CAPZB: variants seen among roughly 807,000 people sequenced by gnomAD.
The protein encoded by CAPZB is F-actin-capping protein subunit beta.
Under a neutral mutation model 38.1 loss-of-function variants are expected in CAPZB, and 2 were observed. That is an observed-to-expected ratio of 0.05 (90% CI 0.02 to 0.17). The LOEUF (loss-of-function observed/expected upper bound fraction) is 0.17, where lower values mean the gene tolerates loss of function less well. Ranked by LOEUF, CAPZB falls within the 10% of genes least tolerant of loss-of-function variation. CAPZB has a pLI of 1.00. For synonymous variants in CAPZB, 107 were observed against 127.4 expected, an observed-to-expected ratio of 0.84 and a Z score of 1.08; for missense variants, 161 against 334.2, an observed-to-expected ratio of 0.48 and a Z score of 4.04.
chr1:19,485,117 C>G (rs1285322958), intron 1 of CAPZB, among the ~76,000 whole-genome samples: 1 of 152,130 alleles, frequency 6.6e-6, no homozygotes, highest in Non-Finnish European at 1.5e-5. Flanking sequence ...GAGGGGGTGC[C>G]TGGCTGGGGA....
chr1:19,358,346 CA>C (rs2094032951), intron 4 of CAPZB, among the ~76,000 whole-genome samples: 1 of 152,198 alleles, frequency 6.6e-6, no homozygotes, highest in East Asian at 1.9e-4. Context: ...CCATGTTGGC[CA>C]GGCTGGTCTC....
chr1:19,454,860 T>TTCCGTTCA (rs2094528047), intron 1 of CAPZB, among the ~76,000 whole-genome samples: 1 of 152,188 alleles, frequency 6.6e-6, no homozygotes, highest in African/African-American at 2.4e-5. Context: ...CTAAATGATG[T>TTCCGTTCA]TTAAAATGCC....
chr1:19,378,319 C>G (rs1195559530), intron 4 of CAPZB, among the ~76,000 whole-genome samples: 1 of 152,166 alleles, frequency 6.6e-6, no homozygotes, highest in Non-Finnish European at 1.5e-5. Flanking sequence ...CATCTCATAA[C>G]CAACCCAACC....
chr1:19,361,231 ATC>A (rs1435556407), intron 4 of CAPZB, among the ~76,000 whole-genome samples: 1 of 152,352 alleles, frequency 6.6e-6, no homozygotes, highest in Non-Finnish European at 1.5e-5. Context: ...GGCGTGGTCA[ATC>A]TCTCACTTCG....
At position 19,382,550 on chromosome 1, in the gene CAPZB, C is replaced by T. The variant is rs182448067; in HGVS notation, c.215+2955G>A. 3.2e-3 allele frequency among the ~76,000 whole-genome samples: 491 copies of T among 152,218 alleles called. 2 individuals carry two copies. Among genetic ancestry groups the T allele is most frequent in the African/African-American group, 0.011 (446 of 41,546 alleles). On this transcript the variant is annotated intron_variant, in intron 3 of 8. Transcript: ENST00000264202. ...ATCAGAAGACCTTGAAGTTTCATAT[C>T]GAGAAGAGGAGAAAGAAAGACATAC... is the stretch of plus-strand genomic sequence containing the variant.
intron 6 of CAPZB, among the ~76,000 whole-genome samples, chr1:19,350,557 A>G (rs1488999245): frequency 6.6e-6 from 1 of 152,258 alleles, no homozygotes; most frequent in Non-Finnish European, 1.5e-5. Context: ...TTTTGAATCT[A>G]GAATTGTACA....
chr1:19,355,187 T>C (rs2094013727), intron 6 of CAPZB, among the ~76,000 whole-genome samples: 1 of 152,156 alleles, frequency 6.6e-6, no homozygotes, highest in African/African-American at 2.4e-5. Context: ...AGAATGCAAA[T>C]TCACTTAAAA....
intron 2 of CAPZB, among the ~76,000 whole-genome samples, chr1:19,402,744 C>G (rs2094309736): frequency 6.6e-6 from 1 of 152,202 alleles, no homozygotes; most frequent in African/African-American, 2.4e-5. Context: ...CCATGTTCCT[C>G]ACATCAGAAG....
chr1:19,379,070 T>G (rs527633002), intron 3 of CAPZB, among the ~76,000 whole-genome samples: 85 of 152,032 alleles, frequency 5.6e-4, no homozygotes, highest in Non-Finnish European at 9.7e-4. Flanking sequence ...CTTTCTCAGT[T>G]TTGTGTTCAC....
At chr1:19,441,154 C>A (rs1022676270) in intron 1 of CAPZB, among the ~76,000 whole-genome samples, 3 of 152,326 alleles carry the variant, frequency 2.0e-5, no homozygotes, top group African/African-American at 7.2e-5. Flanking sequence ...ATCATATAAA[C>A]GTAAGCAAGG....
chr1:19,355,626 C>T (rs768883327), intron 6 of CAPZB, among the ~76,000 whole-genome samples: 7 of 152,216 alleles, frequency 4.6e-5, no homozygotes, highest in Non-Finnish European at 1.0e-4. Context: ...AGTGGACAGT[C>T]AGGGACTGCT....
At chr1:19,452,434 TA>T (rs1236720580) in intron 1 of CAPZB, among the ~76,000 whole-genome samples, 1 of 152,176 alleles carries the variant, frequency 6.6e-6, no homozygotes, top group African/African-American at 2.4e-5. Flanking sequence ...AGCCAATGAA[TA>T]AACATTCCCG....
At chr1:19,400,137 G>A (rs2094295123) in intron 2 of CAPZB, among the ~76,000 whole-genome samples, 1 of 151,854 alleles carries the variant, frequency 6.6e-6, no homozygotes, top group African/African-American at 2.4e-5. Context: ...GAGAGATTCC[G>A]AGCCCACCCC....
intron 1 of CAPZB, among the ~76,000 whole-genome samples, chr1:19,483,474 G>A (rs1013451146): frequency 7.2e-4 from 110 of 152,240 alleles, no homozygotes; most frequent in Admixed American, 6.8e-3. Flanking sequence ...AAAACAGCTT[G>A]TACAGGTGAA....
intron 1 of CAPZB, among the ~76,000 whole-genome samples, chr1:19,460,931 T>C (rs1277567276): frequency 6.6e-6 from 1 of 152,036 alleles, no homozygotes; most frequent in African/African-American, 2.4e-5. Flanking sequence ...CCAGGAGCTG[T>C]GCTGGCCAGG....
intron 1 of CAPZB, among the ~76,000 whole-genome samples, chr1:19,481,270 T>C (rs2094627498): frequency 1.3e-5 from 2 of 152,334 alleles, no homozygotes; most frequent in South Asian, 2.1e-4. Flanking sequence ...AAATAGCATA[T>C]GGCTCTAGCT....
chr1:19,481,486 G>A (rs775730628), intron 1 of CAPZB, among the ~76,000 whole-genome samples: 1 of 152,146 alleles, frequency 6.6e-6, no homozygotes, highest in African/African-American at 2.4e-5. Context: ...TGTTCACACC[G>A]GTCACTCAAG....
chr1:19,387,627 AT>A (rs984774759), intron 2 of CAPZB, among the ~76,000 whole-genome samples: 1 of 152,128 alleles, frequency 6.6e-6, no homozygotes, highest in Non-Finnish European at 1.5e-5. Context: ...CATCAGCTCA[AT>A]TTTTCCTCAA....
intron 1 of CAPZB, among the ~76,000 whole-genome samples, chr1:19,436,466 G>A (rs535169613): frequency 6.6e-6 from 1 of 152,232 alleles, no homozygotes; most frequent in South Asian, 2.1e-4. Flanking sequence ...TTCTTTAAGT[G>A]CAATTTCTCA....
Sources: allele counts gnomAD v4.1 joint callset (sites outside exome capture counted in the v4.1 genomes callset), GRCh38; gene constraint gnomAD v4.1.1; transcripts MANE v1.5; gene names NCBI Gene and HGNC (gene_info 2026-07-23, HGNC 2026-07-21).